TMED1: variants seen among roughly 807,000 people sequenced by gnomAD.
TMED1 encodes the protein transmembrane emp24 domain-containing protein 1.
In TMED1, 20 loss-of-function variants were observed where a neutral mutation model predicts 21.2. The ratio of observed to expected loss-of-function variants is 0.95; its 90% CI spans 0.67 to 1.37. The LOEUF is 1.37. Among genes scored for constraint, TMED1 ranks in the 40% most tolerant of loss-of-function variants. TMED1 has a pLI of 0.00. For missense variants in TMED1, 316 were observed against 309.8 expected (o/e 1.02, Z -0.15); for synonymous variants, 149 against 134.7 (o/e 1.11, Z -0.74).
Position 10,832,476 on chromosome 19 carries a change from G to A in TMED1, c.*519C>T, listed in dbSNP as rs2073369833. The A allele has an allele frequency of 1.3e-6, 1 of 780,516 alleles. No homozygotes were observed. Among genetic ancestry groups the A allele is most frequent in the Non-Finnish European group, 1.9e-6 (1 of 538,962 alleles). The allele number at this position is 780,516 out of a possible 1,614,324, so 48.3% of individuals were successfully genotyped here. A position where few individuals can be genotyped will look rare whatever the true frequency, so the allele number is the denominator to read the frequency against. On this transcript the variant is annotated 3_prime_UTR_variant, in exon 4 of 4. Coordinates refer to ENST00000214869, the MANE Select transcript of TMED1 (RefSeq NM_006858.4). ...ATAATTTATTGACTCCAATGCCCAGGCCACACCACCCTTTGTTATAGGAGG... is the reference window on the plus strand; with the variant it reads ...ATAATTTATTGACTCCAATGCCCAGACCACACCACCCTTTGTTATAGGAGG...
At position 10,835,781 on chromosome 19, in the gene TMED1, G is replaced by GC. The variant is rs1326743765; in HGVS notation, c.183+227dup. ...CAGAGGCTCCCTATACTTATCGATGGCCCCGCCCCCTCTGGATCTCTTACT... is the reference window on the plus strand; with the variant it reads ...CAGAGGCTCCCTATACTTATCGATGGCCCCCGCCCCCTCTGGATCTCTTACT... On this transcript the variant is annotated intron_variant, in intron 1 of 3. Coordinates refer to ENST00000214869, the MANE Select transcript of TMED1 (RefSeq NM_006858.4). The GC allele has an allele frequency of 2.1e-6, 3 of 1,417,808 alleles. No individual in the cohort carries two copies. In the East Asian group the frequency reaches 7.8e-5, roughly 37 times the overall value. 87.8% of individuals were successfully genotyped at this position (1,417,808 alleles called of 1,614,324 possible).
rs2073409130 is a variant in TMED1 at position 10,835,001 on chromosome 19, T to A, written c.398A>T (p.Glu133Val). The A allele has an allele frequency of 1.9e-6, 3 of 1,614,026 alleles. No individual in the cohort carries two copies. Among genetic ancestry groups the A allele is most frequent in the Admixed American group, 1.7e-5 (1 of 60,006 alleles). ...CACAGCCTCTGCCCATCCTTCGACC[T>A]CCTCGTCATCCTGGAGGCTGTCAAA... ...LIFDSLQDDE[E>V]VEGWAEAVEP... The change falls in exon 3 of 4, where the codon GAG becomes GTG. Residue 133 changes from glutamate to valine, a missense_variant. Coordinates refer to ENST00000214869, the MANE Select transcript of TMED1 (RefSeq NM_006858.4).
In TMED1 at chr19:10,835,131, C is replaced by T; in HGVS notation, c.282-14G>A. ...GTTGGCTCCACCCTGGGCAGACAGA[C>T]ACACAGACATGACCCAGGGTGGCCA... is the stretch of plus-strand genomic sequence containing the variant. On this transcript the variant is annotated splice_polypyrimidine_tract_variant and intron_variant, in intron 2 of 3. Coordinates refer to ENST00000214869, the MANE Select transcript of TMED1 (RefSeq NM_006858.4). The T allele has an allele frequency of 1.2e-6, 2 of 1,611,586 alleles. No homozygotes were observed. The highest frequency in any genetic ancestry group is 1.1e-5 in the South Asian group (1 of 90,906).
intron 3 of TMED1, 102 bp downstream of exon 3, chr19:10,834,832 G>C: frequency 7.5e-7 from 1 of 1,327,400 alleles, no homozygotes; most frequent in Non-Finnish European, 1.0e-6. Context: ...AATTCAGTTG[G>C]AGGGCACAAC....
In TMED1 at chr19:10,833,216, A is replaced by G. The variant is rs771145520; in HGVS notation, c.466-3T>C. 3.7e-6 allele frequency: 6 copies of G among 1,608,464 alleles called. No individual in the cohort carries two copies. Among genetic ancestry groups the G allele is most frequent in the Non-Finnish European group, 5.1e-6 (6 of 1,177,088 alleles). ...GTCCGCATGGTCTCAATGGACTCCT[A>G]CAGGGCAGCGGGAGGGGAAGGGTCA... On this transcript the variant is annotated splice_polypyrimidine_tract_variant and splice_region_variant and intron_variant, in intron 3 of 3. Transcript: ENST00000214869.
At chr19:10,834,815 TTACTA>T in intron 3 of TMED1, 114 bp downstream of exon 3, 2 of 1,198,764 alleles carry the variant, frequency 1.7e-6, no homozygotes, top group Non-Finnish European at 2.4e-6. Flanking sequence ...GCTGCTACTC[TTACTA>T]TAATTCAGTT....
At chr19:10,834,114 C>T (rs1335490259) in intron 3 of TMED1, among the ~76,000 whole-genome samples, 3 of 152,082 alleles carry the variant, frequency 2.0e-5, no homozygotes, top group South Asian at 2.1e-4. Flanking sequence ...GAGCTGAGAT[C>T]GTGCCACTGC....
rs1599650034 is a variant in TMED1 at position 10,836,068 on chromosome 19, T to A, written c.124A>T (p.Arg42Trp). 1.9e-6 allele frequency: 3 copies of A among 1,591,780 alleles called. No individual in the cohort carries two copies. The highest frequency in any genetic ancestry group is 4.6e-5 in the East Asian group (2 of 43,508). Residue 42 changes from arginine (R) to tryptophan (W), a missense_variant, in exon 1 of 4, where the codon AGG becomes TGG. Arg to Trp is a moderately radical substitution (Grantham distance 101). Transcript: ENST00000214869. ...GEFTFLLPAG[R>W]KQCFYQSAPA... Reference sequence around the variant, plus strand: ...GCGGACTGGTAGAAACACTGCTTCCTCCCCGCCGGCAACAGGAACGTGAAC... The same window carrying A: ...GCGGACTGGTAGAAACACTGCTTCCACCCCGCCGGCAACAGGAACGTGAAC...
intron 1 of TMED1, 41 bp downstream of exon 1, chr19:10,835,968 T>A (rs1425643842): frequency 6.5e-7 from 1 of 1,529,604 alleles, no homozygotes; most frequent in Admixed American, 2.1e-5. Context: ...CCACGCCCCC[T>A]CTCCCTGACT....
In TMED1 at chr19:10,835,206, G is replaced by A. The variant is rs774248026; in HGVS notation, c.281+50C>T. 1.2e-5 allele frequency: 19 copies of A among 1,612,544 alleles called. No individual in the cohort carries two copies. The African/African-American group carries it at 2.1e-4, about 18-fold the overall frequency. Reference sequence around the variant, plus strand: ...AGGGCGGTAACCTGAGGCCGCCTGGGAAGGGCAGGGCTGTAACTGAACCCA... The same window carrying A: ...AGGGCGGTAACCTGAGGCCGCCTGGAAAGGGCAGGGCTGTAACTGAACCCA... On this transcript the variant is annotated intron_variant, in intron 2 of 3. Transcript: ENST00000214869.
At chr19:10,835,194 G>C in intron 2 of TMED1, 62 bp downstream of exon 2, 1 of 1,612,464 alleles carries the variant, frequency 6.2e-7, no homozygotes, top group African/African-American at 1.3e-5. Context: ...GCGGTAACCT[G>C]AGGCCGCCTG....
chr19:10,834,954 C>T lies in TMED1; in HGVS notation c.445G>A (p.Val149Ile). 1.2e-6 allele frequency: 2 copies of T among 1,614,038 alleles called. No individual in the cohort carries two copies. The highest frequency in any genetic ancestry group is 1.7e-6 in the Non-Finnish European group (2 of 1,179,940). ...CACACCTTGATGTCCTCCATTTTAA[C>T]ATCCAGCATCTCCTCGGGCTCCACA... is the stretch of plus-strand genomic sequence containing the variant. ...EAVEPEEMLD[V>I]KMEDIKESIE... The change falls in exon 3 of 4, where the codon GTT (valine) becomes ATT (isoleucine). Residue 149 changes from valine (V) to isoleucine (I), a missense_variant. Coordinates refer to ENST00000214869, the MANE Select transcript of TMED1 (RefSeq NM_006858.4).
At position 10,832,234 on chromosome 19, in the gene TMED1, G is replaced by C; in HGVS notation, c.*761C>G. The C allele has an allele frequency of 8.0e-7, 1 of 1,246,116 alleles. No homozygotes were observed. Among genetic ancestry groups the C allele is most frequent in the Non-Finnish European group, 1.1e-6 (1 of 949,222 alleles). The allele number at this position is 1,246,116 out of a possible 1,614,324, so 77.2% of individuals were successfully genotyped here. Reference sequence around the variant, plus strand: ...AGGCCCTGCTTCTCTCACCTCGTGGGGAAGCCCAAGCCTCGTGGCCCAACT... The same window carrying C: ...AGGCCCTGCTTCTCTCACCTCGTGGCGAAGCCCAAGCCTCGTGGCCCAACT... On this transcript the variant is annotated 3_prime_UTR_variant, in exon 4 of 4. Coordinates refer to ENST00000214869, the MANE Select transcript of TMED1 (RefSeq NM_006858.4).
Position 10,835,327 on chromosome 19 carries a change from C to G in TMED1, c.210G>C (p.Val70=), listed in dbSNP as rs1307877235. 5 of 1,613,776 alleles carry G rather than the reference C, an allele frequency of 3.1e-6. No individual in the cohort carries two copies. Among genetic ancestry groups the G allele is most frequent in the Non-Finnish European group, 4.2e-6 (5 of 1,179,906 alleles). The change falls in exon 2 of 4, where the codon GTG becomes GTC. Residue 70 remains valine, a synonymous_variant. Transcript: ENST00000214869. ...YQVIGGAGLD[V]DFTLESPQGV... ...CCTGAGGGCTCTCCAGCGTGAAGTC[C>G]ACGTCCAGTCCAGCACCTCCGATCA...
At chr19:10,834,454 C>CTTTTTTT in intron 3 of TMED1, among the ~76,000 whole-genome samples, 1 of 119,644 alleles carries the variant, frequency 8.4e-6, no homozygotes, top group Non-Finnish European at 1.8e-5. Flanking sequence ...AAATGAACTA[C>CTTTTTTT]TTTTTTTTTT....
chr19:10,832,229 C>T lies in TMED1; in HGVS notation c.*766G>A, dbSNP rs959037920. 9.0e-6 allele frequency: 11 copies of T among 1,226,276 alleles called. No individual in the cohort carries two copies. The highest frequency in any genetic ancestry group is 5.6e-5 in the East Asian group (1 of 17,700). 76.0% of individuals were successfully genotyped at this position (1,226,276 alleles called of 1,614,324 possible). On this transcript the variant is annotated 3_prime_UTR_variant, in exon 4 of 4. Coordinates refer to ENST00000214869, the MANE Select transcript of TMED1 (RefSeq NM_006858.4). ...CCCTCAGGCCCTGCTTCTCTCACCTCGTGGGGAAGCCCAAGCCTCGTGGCC... is the reference window on the plus strand; with the variant it reads ...CCCTCAGGCCCTGCTTCTCTCACCTTGTGGGGAAGCCCAAGCCTCGTGGCC...
chr19:10,835,911 G>A lies in TMED1; in HGVS notation c.183+98C>T, dbSNP rs567654744. 4.8e-6 allele frequency: 7 copies of A among 1,454,324 alleles called. No individual in the cohort carries two copies. The South Asian group carries it at 9.6e-5, about 20-fold the overall frequency. 90.1% of individuals were successfully genotyped at this position (1,454,324 alleles called of 1,614,324 possible). ...CTCCGCCCCCGCGCTCCCAAGCACG[G>A]ATTCCTCCCCCTTCCTCCTAAAGCG... is the stretch of plus-strand genomic sequence containing the variant. On this transcript the variant is annotated intron_variant, in intron 1 of 3. Transcript: ENST00000214869.
Position 10,835,053 on chromosome 19 carries a change from C to T in TMED1, c.346G>A (p.Glu116Lys). The change falls in exon 3 of 4, where the codon GAG becomes AAG. Residue 116 changes from glutamate (E) to lysine (K), a missense_variant. Coordinates refer to ENST00000214869, the MANE Select transcript of TMED1 (RefSeq NM_006858.4). ...ATCAGTTCAAAGAACACCAGCTTCT[C>T]GGAGATGGTGCTGAAGGAGTTGTCA... ...CFDNSFSTIS[E>K]KLVFFELIFD... 6.2e-7 allele frequency: 1 copy of T among 1,614,216 alleles called. No individual in the cohort carries two copies. The highest frequency in any genetic ancestry group is 1.1e-5 in the South Asian group (1 of 91,084).
At chr19:10,835,948 G>T in intron 1 of TMED1, 61 bp downstream of exon 1, 5 of 1,496,614 alleles carry the variant, frequency 3.3e-6, no homozygotes, top group South Asian at 1.3e-5. Context: ...GCCTCGCCTC[G>T]ACCGCTTGGC....
Sources: allele counts gnomAD v4.1 joint callset (sites outside exome capture counted in the v4.1 genomes callset), GRCh38; gene constraint gnomAD v4.1.1; transcripts MANE v1.5; gene names NCBI Gene and HGNC (gene_info 2026-07-23, HGNC 2026-07-21).